IKZF5: variants seen among roughly 807,000 people sequenced by gnomAD.
IKZF5 encodes the protein zinc finger protein Pegasus.
Under a neutral mutation model 30.7 loss-of-function variants are expected in IKZF5, and 4 were observed. The observed-to-expected ratio is 0.13, with a 90% CI of 0.06 to 0.30. The LOEUF is 0.30. IKZF5 is among the 10% of genes least tolerant of loss of function. The pLI is 1.00. For synonymous variants in IKZF5, 148 were observed against 179.6 expected (o/e 0.82, Z 1.41); for missense variants, 348 against 525.5 (o/e 0.66, Z 3.30).
At chr10:122,995,245 A>G (rs1323877667) in intron 4 of IKZF5, among the ~76,000 whole-genome samples, 1 of 152,230 alleles carries the variant, frequency 6.6e-6, no homozygotes, top group Non-Finnish European at 1.5e-5. Context: ...CATCCCTTCA[A>G]AATTGCTAGT....
At chr10:123,004,514 G>A (rs12254453) in intron 2 of IKZF5, among the ~76,000 whole-genome samples, 45,122 of 151,648 alleles carry the variant, frequency 0.3, 7,943 homozygotes, top group Non-Finnish European at 0.39. Flanking sequence ...AATTACAGAG[G>A]ATGGCTGGCA....
At chr10:123,006,050 T>A (rs1175665137) in intron 2 of IKZF5, among the ~76,000 whole-genome samples, 1 of 152,162 alleles carries the variant, frequency 6.6e-6, no homozygotes, top group African/African-American at 2.4e-5. Flanking sequence ...GGGGTGTAGG[T>A]GGATATCTAT....
At chr10:123,006,948 C>T (rs910644218) in intron 2 of IKZF5, 78 bp downstream of exon 2, 16 of 152,116 alleles carry the variant, frequency 1.1e-4, no homozygotes, top group African/African-American at 3.9e-4. Context: ...TCTGAGAAAT[C>T]AGAAATCAAA....
In IKZF5 at chr10:122,993,613, T is replaced by G. The variant is rs1021192517; in HGVS notation, c.*167A>C. ...ATATATAAATGACCCTGACCAGATTTTTATGAAAAAAAGGGGAAATTTTAT... is the reference window on the plus strand; with the variant it reads ...ATATATAAATGACCCTGACCAGATTGTTATGAAAAAAAGGGGAAATTTTAT... On this transcript the variant is annotated 3_prime_UTR_variant, in exon 5 of 5. Coordinates refer to ENST00000368886, the MANE Select transcript of IKZF5 (RefSeq NM_001372123.1). 6 of 500,084 alleles carry G rather than the reference T, an allele frequency of 1.2e-5. No homozygotes were observed. The highest frequency in any genetic ancestry group is 2.1e-5 in the Non-Finnish European group (6 of 288,278). The allele number at this position is 500,084 out of a possible 1,614,324, so 31.0% of individuals were successfully genotyped here.
intron 4 of IKZF5, chr10:122,995,034 C>A: frequency 3.8e-6 from 1 of 263,342 alleles, no homozygotes; most frequent in Non-Finnish European, 7.1e-6. Context: ...TAGTAATAGT[C>A]TTACATAATA....
intron 2 of IKZF5, among the ~76,000 whole-genome samples, chr10:123,000,113 G>T (rs772786882): frequency 3.9e-5 from 6 of 152,144 alleles, no homozygotes; most frequent in Non-Finnish European, 8.8e-5. Flanking sequence ...TAAATCATAA[G>T]AGCAGAGCTC....
At chr10:123,008,097 T>C (rs961866191) in intron 1 of IKZF5, among the ~76,000 whole-genome samples, 3 of 152,188 alleles carry the variant, frequency 2.0e-5, no homozygotes, top group African/African-American at 4.8e-5. Context: ...CGAATGAACC[T>C]GAATAGTTAT....
intron 4 of IKZF5, 116 bp downstream of exon 4, chr10:122,995,878 T>G: frequency 1.0e-6 from 1 of 982,068 alleles, no homozygotes; most frequent in Middle Eastern, 3.1e-4. Context: ...TTATTCGAAC[T>G]TTACATAAAC....
At position 122,994,068 on chromosome 10, in the gene IKZF5, A is replaced by G. The variant is rs1849264679; in HGVS notation, c.972T>C (p.Tyr324=). The G allele has an allele frequency of 6.2e-7, 1 of 1,614,010 alleles. No individual in the cohort carries two copies. The highest frequency in any genetic ancestry group is 1.1e-5 in the South Asian group (1 of 91,076). ...CACTGCTTGGACCTGCCACTGGACT[A>G]TAGTTCCTTTGACTATGGGATGGCC... The part of the protein sequence containing the change: ...EPRPSHSQRN[Y]SPVAGPSSEP... Residue 324 remains tyrosine, a synonymous_variant, in exon 5 of 5, where the codon TAT becomes TAC. Coordinates refer to ENST00000368886, the MANE Select transcript of IKZF5 (RefSeq NM_001372123.1). The surrounding 1 kb of genome is among the most constrained non-coding windows in gnomAD (Gnocchi z 5.6).
At chr10:123,008,183 G>A (rs912277741) in intron 1 of IKZF5, among the ~76,000 whole-genome samples, 7 of 152,160 alleles carry the variant, frequency 4.6e-5, no homozygotes, top group Non-Finnish European at 1.0e-4. Context: ...GATCCGGGCA[G>A]GATCATTAGA....
chr10:123,006,595 A>G (rs1303990330), intron 2 of IKZF5, among the ~76,000 whole-genome samples: 1 of 152,176 alleles, frequency 6.6e-6, no homozygotes, highest in Non-Finnish European at 1.5e-5. Context: ...GAACAGCAGG[A>G]TATGTTTCGT....
Position 122,994,796 on chromosome 10 carries a change from T to A in IKZF5, c.317-73A>T. 3 of 1,172,466 alleles carry A rather than the reference T, an allele frequency of 2.6e-6. No homozygotes were observed. The highest frequency in any genetic ancestry group is 1.5e-5 in the African/African-American group (1 of 65,132). The allele number at this position is 1,172,466 out of a possible 1,614,324, so 72.6% of individuals were successfully genotyped here. ...ATGGAAAGTTTTGCTTGTCCATTCA[T>A]TGGACAACTGGAAATTGATCAAAAA... On this transcript the variant is annotated intron_variant, in intron 4 of 4. Coordinates refer to ENST00000368886, the MANE Select transcript of IKZF5 (RefSeq NM_001372123.1). This position sits in a 1 kb window ranked among gnomAD's most constrained non-coding sequence, Gnocchi z 5.6.
intron 2 of IKZF5, among the ~76,000 whole-genome samples, chr10:123,006,312 G>A (rs1000872216): frequency 6.6e-6 from 1 of 152,110 alleles, no homozygotes; most frequent in Non-Finnish European, 1.5e-5. Flanking sequence ...GTATGAAGTC[G>A]TCTGATCTTT....
Position 122,994,760 on chromosome 10 carries a change from G to A in IKZF5, c.317-37C>T. On this transcript the variant is annotated intron_variant, in intron 4 of 4. Coordinates refer to ENST00000368886, the MANE Select transcript of IKZF5 (RefSeq NM_001372123.1). The surrounding 1 kb of genome is among the most constrained non-coding windows in gnomAD (Gnocchi z 5.6). ...GAAAAATGATGGAGAAACTACAAGA[G>A]TAGTTCATTTATGGAAAGTTTTGCT... 6.7e-7 allele frequency: 1 copy of A among 1,496,682 alleles called. No individual in the cohort carries two copies. The highest frequency in any genetic ancestry group is 9.0e-7 in the Non-Finnish European group (1 of 1,109,236). The allele number at this position is 1,496,682 out of a possible 1,614,324, so 92.7% of individuals were successfully genotyped here.
chr10:123,006,267 C>T (rs932013358), intron 2 of IKZF5, among the ~76,000 whole-genome samples: 2 of 152,118 alleles, frequency 1.3e-5, no homozygotes, highest in Non-Finnish European at 2.9e-5. Flanking sequence ...GGCTAATTTC[C>T]GATCTTCCTT....
chr10:122,999,151 A>C (rs1355361705), intron 2 of IKZF5, among the ~76,000 whole-genome samples: 1 of 152,168 alleles, frequency 6.6e-6, no homozygotes. Context: ...CCGTGATTGC[A>C]CCACTGGACT....
intron 3 of IKZF5, among the ~76,000 whole-genome samples, chr10:122,996,583 A>C (rs1292679486): frequency 6.6e-6 from 1 of 152,124 alleles, no homozygotes; most frequent in Admixed American, 6.5e-5. Flanking sequence ...GCACACCTGT[A>C]GTCCCAGCTA....
Position 122,993,753 on chromosome 10 carries a change from A to C in IKZF5, c.*27T>G. The C allele has an allele frequency of 6.6e-7, 1 of 1,515,238 alleles. No individual in the cohort carries two copies. Among genetic ancestry groups the C allele is most frequent in the South Asian group, 1.3e-5 (1 of 77,188 alleles). 93.9% of individuals were successfully genotyped at this position (1,515,238 alleles called of 1,614,324 possible). ...AAAAACCAAACCACAAAAACAGCAA[A>C]ACTAAGTAAAATATGACTATTTTCA... is the stretch of plus-strand genomic sequence containing the variant. On this transcript the variant is annotated 3_prime_UTR_variant, in exon 5 of 5. Transcript: ENST00000368886.
rs1849200238 is a variant in IKZF5, at chr10:122,992,548, A to G, written c.*1232T>C. ...CCTCCTATTCAAAATGAATTACTCTATATTTAGTAAGTCTTATTTTTATAA... is the reference window on the plus strand; with the variant it reads ...CCTCCTATTCAAAATGAATTACTCTGTATTTAGTAAGTCTTATTTTTATAA... On this transcript the variant is annotated 3_prime_UTR_variant, in exon 5 of 5. Coordinates refer to ENST00000368886, the MANE Select transcript of IKZF5 (RefSeq NM_001372123.1). The G allele has an allele frequency of 6.6e-6, 1 of 152,170 alleles. No individual in the cohort carries two copies. The highest frequency in any genetic ancestry group is 1.5e-5 in the Non-Finnish European group (1 of 68,000). The allele number at this position is 152,170 out of a possible 1,614,324, so 9.4% of individuals were successfully genotyped here.
Sources: allele counts gnomAD v4.1 joint callset (sites outside exome capture counted in the v4.1 genomes callset), GRCh38; gene constraint gnomAD v4.1.1; non-coding constraint Gnocchi (gnomAD v3.1); transcripts MANE v1.5; gene names NCBI Gene and HGNC (gene_info 2026-07-23, HGNC 2026-07-21).